ZNF225: variants seen among roughly 807,000 people sequenced by gnomAD.
The protein encoded by ZNF225 is zinc finger protein 225.
A neutral mutation model predicts 12.0 loss-of-function variants in ZNF225; 6 were observed. The ratio of observed to expected loss-of-function variants is 0.50; its 90% CI spans 0.27 to 0.98. The LOEUF (loss-of-function observed/expected upper bound fraction) is 0.98. Among genes scored for constraint, ZNF225 ranks in the 50% least tolerant of loss-of-function variants. The pLI, the probability that ZNF225 is intolerant of heterozygous loss-of-function variation, is 0.11. For synonymous variants in ZNF225, 271 were observed against 283.2 expected, an observed-to-expected ratio of 0.96 and a Z score of 0.43; for missense variants, 763 against 848.2, an observed-to-expected ratio of 0.90 and a Z score of 1.25.
intron 4 of ZNF225, among the ~76,000 whole-genome samples, chr19:44,126,795 G>C (rs1197498399): frequency 6.6e-6 from 1 of 152,138 alleles, no homozygotes; most frequent in African/African-American, 2.4e-5. Flanking sequence ...CCTCTGCTGA[G>C]TCATGCAAAT....
At position 44,115,755 on chromosome 19, in the gene ZNF225, T is replaced by C; in HGVS notation, c.-68-5T>C. 6 of 1,498,448 alleles carry C rather than the reference T, an allele frequency of 4.0e-6. No homozygotes were observed. The highest frequency in any genetic ancestry group is 5.4e-6 in the Non-Finnish European group (6 of 1,102,008). 92.8% of individuals were successfully genotyped at this position (1,498,448 alleles called of 1,614,324 possible). ...TCTTTTTCTGCCTTCCCTGGTACTT[T>C]CCAGGCAGGATTCTGCTTTCCCTTG... On this transcript the variant is annotated splice_region_variant and splice_polypyrimidine_tract_variant and intron_variant, in intron 1 of 4. Coordinates refer to ENST00000262894, the MANE Select transcript of ZNF225 (RefSeq NM_013362.4).
chr19:44,113,802 C>T (rs903718914), intron 1 of ZNF225, among the ~76,000 whole-genome samples: 1 of 152,202 alleles, frequency 6.6e-6, no homozygotes, highest in African/African-American at 2.4e-5. Flanking sequence ...TCTCCCGTTA[C>T]AGTTCTTTAA....
At position 44,132,797 on chromosome 19, in the gene ZNF225, T is replaced by G. The variant is rs1458465538; in HGVS notation, c.*62T>G. The G allele has an allele frequency of 2.5e-5, 34 of 1,350,130 alleles. No homozygotes were observed. The highest frequency in any genetic ancestry group is 2.6e-4 in the Middle Eastern group (1 of 3,864). The allele number at this position is 1,350,130 out of a possible 1,614,324, so 83.6% of individuals were successfully genotyped here. A position where few individuals can be genotyped will look rare whatever the true frequency, so the allele number is the denominator to read the frequency against. On this transcript the variant is annotated 3_prime_UTR_variant, in exon 5 of 5. Coordinates refer to ENST00000262894, the MANE Select transcript of ZNF225 (RefSeq NM_013362.4). ...AATGCAAGTATACAATGTGTAATGA[T>G]CAAATCAGTGTAATTAACATACCTA...
chr19:44,129,201 C>G (rs572248134), intron 4 of ZNF225: 274 of 874,070 alleles, frequency 3.1e-4, no homozygotes, highest in Non-Finnish European at 3.9e-4. Flanking sequence ...ATAAATACTC[C>G]TAGGTATTTG....
rs200227995 is a variant in ZNF225, at chr19:44,131,549, G to T, written c.935G>T (p.Arg312Leu). ...NLNRHSMVHM[R>L]EKPFRCDTCG... The stretch of plus-strand genomic sequence containing the variant: ...AATAGGCATTCCATGGTTCACATGC[G>T]AGAGAAACCATTCAGATGTGATACA... Residue 312 changes from arginine to leucine, a missense_variant, in exon 5 of 5, where the codon CGA (arginine) becomes CTA (leucine). Coordinates refer to ENST00000262894, the MANE Select transcript of ZNF225 (RefSeq NM_013362.4). 1 of 1,614,190 alleles carries T rather than the reference G, an allele frequency of 6.2e-7. No individual in the cohort carries two copies. Among genetic ancestry groups the T allele is most frequent in the Admixed American group, 1.7e-5 (1 of 60,028 alleles).
intron 1 of ZNF225, chr19:44,114,023 C>T (rs1347671494): frequency 3.1e-6 from 1 of 322,746 alleles, no homozygotes; most frequent in Non-Finnish European, 5.7e-6. Flanking sequence ...TGGGTGATCC[C>T]GGACGCCTTC....
At chr19:44,126,596 G>T (rs1335207969) in intron 4 of ZNF225, among the ~76,000 whole-genome samples, 3 of 152,076 alleles carry the variant, frequency 2.0e-5, no homozygotes, top group Non-Finnish European at 2.9e-5. Flanking sequence ...TGAGGCCCTA[G>T]AACTCCCAAG....
Position 44,131,608 on chromosome 19 carries a change from A to G in ZNF225, c.994A>G (p.Asn332Asp). 1 of 1,614,178 alleles carries G rather than the reference A, an allele frequency of 6.2e-7. No homozygotes were observed. Among genetic ancestry groups the G allele is most frequent in the Non-Finnish European group, 8.5e-7 (1 of 1,180,028 alleles). Residue 332 changes from asparagine (N) to aspartate (D), a missense_variant, in exon 5 of 5, where the codon AAT becomes GAT. Transcript: ENST00000262894. ...GKSFGLKSAL[N>D]SHRMVHTGEK... ...GAGCTTTGGTCTGAAATCAGCACTT[A>G]ATAGTCATCGCATGGTCCACACAGG...
intron 1 of ZNF225, among the ~76,000 whole-genome samples, chr19:44,114,722 G>T (rs981970550): frequency 6.6e-6 from 1 of 152,176 alleles, no homozygotes; most frequent in Non-Finnish European, 1.5e-5. Context: ...TGTTGGCCAG[G>T]CTGGTCTCAG....
At position 44,131,591 on chromosome 19, in the gene ZNF225, G is replaced by T; in HGVS notation, c.977G>T (p.Gly326Val). The change falls in exon 5 of 5, where the codon GGT becomes GTT. Residue 326 changes from glycine (G) to valine (V), a missense_variant. Gly to Val is a moderately radical substitution (Grantham distance 109, BLOSUM62 -3). Transcript: ENST00000262894. ...TGTGATACATGTGGTAAGAGCTTTG[G>T]TCTGAAATCAGCACTTAATAGTCAT... ...FRCDTCGKSF[G>V]LKSALNSHRM... The T allele has an allele frequency of 6.2e-7, 1 of 1,614,080 alleles. No homozygotes were observed.
chr19:44,132,077 A>G lies in ZNF225; in HGVS notation c.1463A>G (p.Glu488Gly). The G allele has an allele frequency of 6.2e-7, 1 of 1,614,066 alleles. No individual in the cohort carries two copies. The highest frequency in any genetic ancestry group is 8.5e-7 in the Non-Finnish European group (1 of 1,180,010). ...GGAGAAAAACCATTTAAATGTGAAG[A>G]ATGTGGGAAAAGATTTACTCAGAAT... is the stretch of plus-strand genomic sequence containing the variant. Reference protein sequence around the residue: ...HSGEKPFKCEECGKRFTQNSQ... With the variant: ...HSGEKPFKCEGCGKRFTQNSQ... Residue 488 changes from glutamate (E) to glycine (G), a missense_variant, in exon 5 of 5, where the codon GAA becomes GGA. Coordinates refer to ENST00000262894, the MANE Select transcript of ZNF225 (RefSeq NM_013362.4).
intron 4 of ZNF225, among the ~76,000 whole-genome samples, chr19:44,119,350 A>G (rs1968009789): frequency 6.6e-6 from 1 of 152,156 alleles, no homozygotes; most frequent in Non-Finnish European, 1.5e-5. Context: ...AAAATTTATC[A>G]TCTTTCTGTT....
Position 44,131,533 on chromosome 19 carries a change from T to A in ZNF225, c.919T>A (p.Ser307Thr). Residue 307 changes from serine (S) to threonine (T), a missense_variant, in exon 5 of 5, where the codon TCC becomes ACC. By Grantham distance (58) the Ser-to-Thr change is moderately conservative. Coordinates refer to ENST00000262894, the MANE Select transcript of ZNF225 (RefSeq NM_013362.4). ...TAGTAGAGCAAATCTTAATAGGCATTCCATGGTTCACATGCGAGAGAAACC... is the reference window on the plus strand; with the variant it reads ...TAGTAGAGCAAATCTTAATAGGCATACCATGGTTCACATGCGAGAGAAACC... ...FRSRANLNRH[S>T]MVHMREKPFR... 1 of 1,614,118 alleles carries A rather than the reference T, an allele frequency of 6.2e-7. No homozygotes were observed.
intron 4 of ZNF225, chr19:44,129,671 C>T (rs374871401): frequency 5.3e-5 from 8 of 152,328 alleles, no homozygotes; most frequent in African/African-American, 1.9e-4. Flanking sequence ...CATTGTTGGT[C>T]TTTCTCACAT....
intron 4 of ZNF225, among the ~76,000 whole-genome samples, chr19:44,121,834 TG>T (rs1401401163): frequency 1.3e-5 from 2 of 152,220 alleles, no homozygotes; most frequent in Admixed American, 1.3e-4. Flanking sequence ...CACTTTTTGA[TG>T]GGGTTGTTTG....
At chr19:44,112,962 G>C (rs533119426), upstream of ZNF225, 8 of 152,346 alleles carry the variant, frequency 5.3e-5, no homozygotes, top group East Asian at 1.4e-3. Context: ...GGACCAGGGA[G>C]AGAGAAGGAC....
At chr19:44,114,881 A>G (rs996570532) in intron 1 of ZNF225, among the ~76,000 whole-genome samples, 3 of 152,206 alleles carry the variant, frequency 2.0e-5, no homozygotes, top group African/African-American at 7.2e-5. Flanking sequence ...GGTGATCTCA[A>G]CTTTGTTCAC....
Position 44,132,551 on chromosome 19 carries a change from A to G in ZNF225, c.1937A>G (p.His646Arg), listed in dbSNP as rs780697528. 1.2e-6 allele frequency: 2 copies of G among 1,614,176 alleles called. No homozygotes were observed. Among genetic ancestry groups the G allele is most frequent in the Non-Finnish European group, 1.7e-6 (2 of 1,180,002 alleles). ...ACTCATCTAACCCATCAGAGACTCC[A>G]CAGTAGAGAAAAACTACTTCAATGT... ...ASTHLTHQRLHSREKLLQCED... is the reference protein window; with the variant it reads ...ASTHLTHQRLRSREKLLQCED... Residue 646 changes from histidine (H) to arginine (R), a missense_variant, in exon 5 of 5, where the codon CAC becomes CGC. Physicochemically the swap from His to Arg is conservative, Grantham distance 29 (BLOSUM62 0). Coordinates refer to ENST00000262894, the MANE Select transcript of ZNF225 (RefSeq NM_013362.4).
rs375405458 is a variant in ZNF225 at position 44,131,724 on chromosome 19, G to A, written c.1110G>A (p.Lys370=). Reference sequence around the variant, plus strand: ...ATCAGATAGACCACACAGGGGAGAAGCCATATAATTGTAAAGAATGTGGAA... The same window carrying A: ...ATCAGATAGACCACACAGGGGAGAAACCATATAATTGTAAAGAATGTGGAA... ...YKHQIDHTGE[K]PYNCKECGKS... Residue 370 remains lysine, a synonymous_variant, in exon 5 of 5, where the codon AAG becomes AAA. Transcript: ENST00000262894. 1 of 1,614,218 alleles carries A rather than the reference G, an allele frequency of 6.2e-7. No individual in the cohort carries two copies. Among genetic ancestry groups the A allele is most frequent in the Non-Finnish European group, 8.5e-7 (1 of 1,180,040 alleles).
Sources: gnomAD v4.1 joint callset for allele counts (sites outside exome capture counted in the v4.1 genomes callset) on GRCh38, gnomAD v4.1.1 for gene constraint, MANE v1.5 for transcripts, NCBI Gene and HGNC (gene_info 2026-07-23, HGNC 2026-07-21) for gene names.